Variants in QRFPR observed in about 807,000 individuals in gnomAD.
QRFPR encodes the protein pyroglutamylated RFamide peptide receptor, also known as pyroglutamylated RF-amide peptide receptor.
QRFPR carries 37 observed loss-of-function variants against 31.3 expected under a neutral mutation model. The observed-to-expected ratio is 1.18, with a 90% confidence interval of 0.91 to 1.56. The LOEUF (loss-of-function observed/expected upper bound fraction) is 1.56. Among genes scored for constraint, QRFPR ranks in the 40% most tolerant of loss-of-function variants. The probability of loss-of-function intolerance (pLI) is 0.00; values close to 1 mark genes in which losing one functional copy is unlikely to be tolerated. For synonymous variants in QRFPR, 197 were observed against 192.0 expected (o/e 1.03, Z -0.22); for missense variants, 542 against 532.5 (o/e 1.02, Z -0.18).
In QRFPR at chr4:121,329,639, T is replaced by C. The variant is rs772588977; in HGVS notation, c.971A>G (p.Asn324Ser). 6 of 1,599,990 alleles carry C rather than the reference T, an allele frequency of 3.8e-6. No homozygotes were observed. The highest frequency in any genetic ancestry group is 5.1e-6 in the Non-Finnish European group (6 of 1,174,114). Reference sequence around the variant, plus strand: ...ATAGACAATGGGATTACAGATGGAGTTGGAAAATCCAATAATTTGCACGAT... The same window carrying C: ...ATAGACAATGGGATTACAGATGGAGCTGGAAAATCCAATAATTTGCACGAT... ...FAIVQIIGFS[N>S]SICNPIVYAF... Residue 324 changes from asparagine to serine, a missense_variant, in exon 6 of 6, where the codon AAC (asparagine) becomes AGC (serine). Transcript: ENST00000394427.
At chr4:121,353,251 T>C (rs1279907656) in intron 1 of QRFPR, among the ~76,000 whole-genome samples, 1 of 152,138 alleles carries the variant, frequency 6.6e-6, no homozygotes, top group Non-Finnish European at 1.5e-5. Context: ...GACTGCTGGA[T>C]TGTATGGTAG....
intron 1 of QRFPR, among the ~76,000 whole-genome samples, chr4:121,344,026 A>C (rs1032631345): frequency 1.1e-4 from 16 of 152,258 alleles, no homozygotes; most frequent in African/African-American, 3.9e-4. Context: ...TGACATAAAC[A>C]GCTAATACTG....
chr4:121,350,651 T>A (rs1331737361), intron 1 of QRFPR, among the ~76,000 whole-genome samples: 1 of 152,200 alleles, frequency 6.6e-6, no homozygotes, highest in East Asian at 1.9e-4. Flanking sequence ...ACTTGTGATT[T>A]TGATGTATTT....
rs1284660728 is a variant in QRFPR at position 121,365,589 on chromosome 4, ATTAT to A, written c.340+14715_340+14718del. ...ATTATATATAATATATATTATATAT[ATTAT>A]ATATATATAATATATATATTATATA... On this transcript the variant is annotated intron_variant, in intron 1 of 5. Transcript: ENST00000394427. 6.0e-3 allele frequency among the ~76,000 whole-genome samples: 40 copies of A among 6,634 alleles called. 2 individuals carry two copies. Among genetic ancestry groups the A allele is most frequent in the East Asian group, 0.048 (9 of 186 alleles). 4.4% of individuals were successfully genotyped at this position (6,634 alleles called of 152,430 possible).
intron 1 of QRFPR, among the ~76,000 whole-genome samples, chr4:121,342,532 T>C (rs968000664): frequency 3.0e-4 from 45 of 152,314 alleles, no homozygotes; most frequent in African/African-American, 1.0e-3. Flanking sequence ...ATTCCCTATC[T>C]CCTCTCATTC....
chr4:121,377,543 C>G (rs915071186), intron 1 of QRFPR, among the ~76,000 whole-genome samples: 8 of 151,990 alleles, frequency 5.3e-5, no homozygotes, highest in African/African-American at 1.9e-4. Context: ...TTTCTTCCCT[C>G]CAACTTGGCA....
chr4:121,331,611 A>AT (rs1273508057), intron 4 of QRFPR, among the ~76,000 whole-genome samples: 1 of 145,492 alleles, frequency 6.9e-6, no homozygotes, highest in Non-Finnish European at 1.5e-5. Context: ...AAAAACTCAT[A>AT]CTCATTATCT....
chr4:121,349,206 G>A (rs938777125), intron 1 of QRFPR, among the ~76,000 whole-genome samples: 4 of 152,008 alleles, frequency 2.6e-5, no homozygotes, highest in African/African-American at 9.7e-5. Flanking sequence ...AATGTTATGG[G>A]GATGTGTTGA....
chr4:121,355,421 CT>C (rs1725848164), intron 1 of QRFPR, among the ~76,000 whole-genome samples: 1 of 151,952 alleles, frequency 6.6e-6, no homozygotes. Flanking sequence ...TAATGTCTCC[CT>C]TTTTGTCTCT....
intron 1 of QRFPR, among the ~76,000 whole-genome samples, chr4:121,367,678 C>G (rs534062083): frequency 6.7e-6 from 1 of 150,100 alleles, no homozygotes; most frequent in Non-Finnish European, 1.5e-5. Context: ...AGCAGAACTT[C>G]GAATATGTGA....
intron 1 of QRFPR, among the ~76,000 whole-genome samples, chr4:121,364,669 G>C (rs1274020735): frequency 6.7e-6 from 1 of 148,812 alleles, no homozygotes; most frequent in Non-Finnish European, 1.5e-5. Context: ...AAAAGAAAAA[G>C]AAAACTTTTT....
intron 1 of QRFPR, among the ~76,000 whole-genome samples, chr4:121,354,334 C>A (rs969261533): frequency 6.7e-6 from 1 of 149,690 alleles, no homozygotes. Context: ...TTCTTCCAAC[C>A]CATGAACATG....
chr4:121,374,425 T>A (rs1008993828), intron 1 of QRFPR, among the ~76,000 whole-genome samples: 185 of 152,326 alleles, frequency 1.2e-3, no homozygotes, highest in Non-Finnish European at 2.0e-3. Flanking sequence ...TCAGCCTGAG[T>A]CCTGGAGCTG....
At chr4:121,380,241 G>GGGTTA in intron 1 of QRFPR, 67 bp downstream of exon 1, 7 of 1,041,924 alleles carry the variant, frequency 6.7e-6, no homozygotes, top group Non-Finnish European at 7.0e-6. Context: ...GAGAGAGAGA[G>GGGTTA]AGAGAGATCC....
In QRFPR at chr4:121,373,524, C is replaced by T. The variant is rs180768230; in HGVS notation, c.340+6784G>A. ...TAAAAAGACTATTCTTCATCAATAG[C>T]TTTTATCATTTCTGTTGACTTTTTA... On this transcript the variant is annotated intron_variant, in intron 1 of 5. Coordinates refer to ENST00000394427, the MANE Select transcript of QRFPR (RefSeq NM_198179.3). Among the ~76,000 whole-genome samples, 187 of 152,236 alleles carry T rather than the reference C, an allele frequency of 1.2e-3. 1 individual carries two copies. Among genetic ancestry groups the T allele is most frequent in the Admixed American group, 4.4e-3 (68 of 15,296 alleles).
At chr4:121,331,467 A>G (rs1450548849) in intron 4 of QRFPR, among the ~76,000 whole-genome samples, 1 of 151,454 alleles carries the variant, frequency 6.6e-6, no homozygotes, top group East Asian at 1.9e-4. Flanking sequence ...TCCAGGTGTG[A>G]GCCACCACAC....
intron 1 of QRFPR, among the ~76,000 whole-genome samples, chr4:121,365,565 TTA>T (rs1726097476): frequency 1.6e-3 from 26 of 16,664 alleles, no homozygotes; most frequent in Non-Finnish European, 2.1e-3. Flanking sequence ...ATAATATATA[TTA>T]TATATAATAT....
intron 1 of QRFPR, among the ~76,000 whole-genome samples, chr4:121,370,798 A>G (rs757113639): frequency 2.6e-5 from 4 of 152,250 alleles, no homozygotes; most frequent in Non-Finnish European, 4.4e-5. Context: ...TATATGCTTC[A>G]TAGAGAAATC....
In QRFPR at chr4:121,332,941, G is replaced by A; in HGVS notation, c.677C>T (p.Pro226Leu). Residue 226 changes from proline (P) to leucine (L), a missense_variant, in exon 4 of 6, where the codon CCT (proline) becomes CTT (leucine). Physicochemically the swap from Pro to Leu is moderately conservative, Grantham distance 98. Transcript: ENST00000394427. ...TFILVILFLL[P>L]LMVMLILYSK... ...GTACAGAATAAGCATCACCATAAGA[G>A]GCAGGAGGAAGAGGATGACAAGGAT... 6.2e-7 allele frequency: 1 copy of A among 1,613,990 alleles called. No individual in the cohort carries two copies.
Sources: allele counts gnomAD v4.1 joint callset (sites outside exome capture counted in the v4.1 genomes callset), GRCh38; gene constraint gnomAD v4.1.1; transcripts MANE v1.5; gene names NCBI Gene and HGNC (gene_info 2026-07-23, HGNC 2026-07-21).